ANK3: variants seen among roughly 807,000 people sequenced by gnomAD.
ANK3 encodes the protein ankyrin-3.
Under a neutral mutation model 370.9 loss-of-function variants are expected in ANK3, and 57 were observed. The ratio of observed to expected loss-of-function variants is 0.15; its 90% confidence interval spans 0.12 to 0.19. The LOEUF (loss-of-function observed/expected upper bound fraction) is 0.19. Among genes scored for constraint, ANK3 ranks in the 10% least tolerant of loss-of-function variants. ANK3 has a pLI of 1.00. For missense variants in ANK3, 4,439 were observed against 5,302.1 expected (o/e 0.84, Z 5.06); for synonymous variants, 1,929 against 1,946.3 (o/e 0.99, Z 0.23).
chr10:60,568,690 T>C (rs2077519427), intron 2 of ANK3, among the ~76,000 whole-genome samples: 1 of 152,208 alleles, frequency 6.6e-6, no homozygotes, highest in African/African-American at 2.4e-5. Context: ...CTGGATAGTA[T>C]ACCCTTCTTT....
intron 1 of ANK3, among the ~76,000 whole-genome samples, chr10:60,382,821 A>ATATATATATATATG (rs2061727547): frequency 6.8e-6 from 1 of 146,224 alleles, no homozygotes; most frequent in Admixed American, 7.0e-5. Flanking sequence ...ATATATATAT[A>ATATATATATATATG]TATATGCCAA....
intron 23 of ANK3, among the ~76,000 whole-genome samples, chr10:60,161,653 G>A (rs933526498): frequency 8.6e-5 from 13 of 151,942 alleles, no homozygotes; most frequent in Non-Finnish European, 1.9e-4. Flanking sequence ...GATAAATTTA[G>A]CACGTTCTCA....
At chr10:60,677,642 T>A (rs2079142647) in intron 1 of ANK3, among the ~76,000 whole-genome samples, 2 of 152,002 alleles carry the variant, frequency 1.3e-5, no homozygotes. Flanking sequence ...TATGGAAGAT[T>A]TAAAATTATT....
intron 43 of ANK3, among the ~76,000 whole-genome samples, chr10:60,032,848 T>C (rs1179508353): frequency 6.6e-6 from 1 of 152,148 alleles, no homozygotes; most frequent in Non-Finnish European, 1.5e-5. Context: ...AGGTCATTCA[T>C]TGGACAAAAG....
intron 7 of ANK3, among the ~76,000 whole-genome samples, chr10:60,240,040 TATATATAC>T (rs1470332094): frequency 2.0e-4 from 29 of 142,888 alleles, no homozygotes; most frequent in Non-Finnish European, 3.2e-4. Flanking sequence ...TATATACACA[TATATATAC>T]ATATATACAC....
intron 7 of ANK3, among the ~76,000 whole-genome samples, chr10:60,248,251 G>A (rs2097585482): frequency 6.6e-6 from 1 of 152,212 alleles, no homozygotes; most frequent in Non-Finnish European, 1.5e-5. Context: ...GAAATGATGA[G>A]CTGCTTTCAT....
intron 21 of ANK3, among the ~76,000 whole-genome samples, chr10:60,171,319 A>G (rs2095788312): frequency 6.6e-6 from 1 of 152,196 alleles, no homozygotes; most frequent in South Asian, 2.1e-4. Context: ...TTTAGTTTCT[A>G]AAGACTAAGA....
At chr10:60,609,348 T>A (rs551061877) in intron 2 of ANK3, among the ~76,000 whole-genome samples, 14 of 152,258 alleles carry the variant, frequency 9.2e-5, no homozygotes, top group African/African-American at 3.1e-4. Context: ...GCCCTCCAGA[T>A]GGAGGGAGCT....
chr10:60,570,023 T>C (rs2077553951), intron 2 of ANK3, among the ~76,000 whole-genome samples: 1 of 152,172 alleles, frequency 6.6e-6, no homozygotes, highest in South Asian at 2.1e-4. Context: ...TATATATATA[T>C]GTATACATAT....
rs1002069502 is a variant in ANK3 at position 60,421,637 on chromosome 10, C to G, written c.97-141998G>C. Among the ~76,000 whole-genome samples, 3 of 151,928 alleles carry G rather than the reference C, an allele frequency of 2.0e-5. No individual in the cohort carries two copies. In the East Asian group the frequency reaches 5.8e-4, roughly 29 times the overall value. On this transcript the variant is annotated intron_variant, in intron 2 of 43. Transcript: ENST00000373827. ...GACCTCCCTTGACTCCCTAGGAGTTCCCCTCCCATCCTCACCCTAAAAAGC... is the reference window on the plus strand; with the variant it reads ...GACCTCCCTTGACTCCCTAGGAGTTGCCCTCCCATCCTCACCCTAAAAAGC...
chr10:60,443,289 ATG>A (rs140087456), intron 2 of ANK3, among the ~76,000 whole-genome samples: 5 of 151,814 alleles, frequency 3.3e-5, no homozygotes, highest in Non-Finnish European at 5.9e-5. Flanking sequence ...TTAGAATAAA[ATG>A]TGTGTGTGTG....
intron 2 of ANK3, among the ~76,000 whole-genome samples, chr10:60,552,373 C>T (rs907537107): frequency 2.0e-4 from 31 of 152,176 alleles, no homozygotes; most frequent in African/African-American, 7.2e-4. Context: ...TCAGATTTCA[C>T]AACCTACTAA....
At chr10:60,189,247 A>G (rs1057498041) in intron 16 of ANK3, among the ~76,000 whole-genome samples, 6 of 152,156 alleles carry the variant, frequency 3.9e-5, no homozygotes, top group African/African-American at 1.4e-4. Context: ...AGTCTCAGCT[A>G]CTTTAGAGGC....
intron 1 of ANK3, among the ~76,000 whole-genome samples, chr10:60,295,810 T>C (rs1169108770): frequency 1.3e-5 from 2 of 152,238 alleles, no homozygotes; most frequent in African/African-American, 4.8e-5. Flanking sequence ...TCTTGTTACA[T>C]GCTAACTTAA....
intron 2 of ANK3, among the ~76,000 whole-genome samples, chr10:60,517,156 C>G (rs1010399347): frequency 2.0e-5 from 3 of 152,066 alleles, no homozygotes; most frequent in African/African-American, 7.2e-5. Flanking sequence ...ACTCCACCTC[C>G]CAGGTTCAAG....
chr10:60,102,958 A>AT (rs780202925), intron 28 of ANK3, among the ~76,000 whole-genome samples: 2,553 of 148,592 alleles, frequency 0.017, 66 homozygotes, highest in African/African-American at 0.059. Context: ...AAGACAATTT[A>AT]TTTTTTTTTT....
intron 2 of ANK3, among the ~76,000 whole-genome samples, chr10:60,546,583 A>G (rs748020253): frequency 1.3e-5 from 2 of 152,186 alleles, no homozygotes; most frequent in Non-Finnish European, 2.9e-5. Context: ...TTAACTCAGC[A>G]ATAACCAACA....
At chr10:60,598,517 A>G (rs1176719704) in intron 2 of ANK3, among the ~76,000 whole-genome samples, 1 of 152,236 alleles carries the variant, frequency 6.6e-6, no homozygotes, top group Non-Finnish European at 1.5e-5. Flanking sequence ...TGTAAAGCAA[A>G]GCAAGTGTAT....
At chr10:60,337,436 C>T (rs762355946) in intron 1 of ANK3, among the ~76,000 whole-genome samples, 13 of 152,068 alleles carry the variant, frequency 8.5e-5, no homozygotes, top group Non-Finnish European at 1.2e-4. Flanking sequence ...CACATTTTCC[C>T]ACCATTTCTC....
Sources: allele counts gnomAD v4.1 joint callset (sites outside exome capture counted in the v4.1 genomes callset), GRCh38; gene constraint gnomAD v4.1.1; transcripts MANE v1.5; gene names NCBI Gene and HGNC (gene_info 2026-07-23, HGNC 2026-07-21).